Variants in ASB3 observed in about 807,000 individuals in gnomAD.
The protein encoded by ASB3 is ankyrin repeat and SOCS box containing 3, also known as ankyrin repeat and SOCS box protein 3.
In ASB3, 41 loss-of-function variants were observed where a neutral mutation model predicts 54.5. That is an observed-to-expected ratio of 0.75 (90% CI 0.59 to 0.98). The LOEUF (loss-of-function observed/expected upper bound fraction) is 0.98. Ranked by LOEUF, ASB3 falls within the 50% of genes least tolerant of loss-of-function variation. The probability of loss-of-function intolerance (pLI) is 0.00; values close to 1 mark genes in which losing one functional copy is unlikely to be tolerated. For synonymous variants in ASB3, 266 were observed against 221.2 expected, an observed-to-expected ratio of 1.20 and a Z score of -1.80; for missense variants, 733 against 620.0, an observed-to-expected ratio of 1.18 and a Z score of -1.94.
chr2:53,774,297 T>C, intron 1 of ASB3: 1 of 1,614,118 alleles, frequency 6.2e-7, no homozygotes, highest in Non-Finnish European at 8.5e-7. Context: ...TATTGCTATA[T>C]ATTGGAACAT....
intron 1 of ASB3, chr2:53,771,838 T>C (rs1673934581): frequency 1.2e-6 from 1 of 814,360 alleles, no homozygotes; most frequent in South Asian, 1.5e-5. Flanking sequence ...GTCAAAAATG[T>C]TGCTAATGCT....
intron 7 of ASB3, among the ~76,000 whole-genome samples, chr2:53,711,129 C>G (rs181808547): frequency 1.3e-5 from 2 of 152,202 alleles, no homozygotes; most frequent in Admixed American, 1.3e-4. Context: ...GATCCTGTCT[C>G]AAAAACAAAA....
At position 53,670,345 on chromosome 2, in the gene ASB3, A is replaced by T; in HGVS notation, c.*158T>A. 1 of 545,946 alleles carries T rather than the reference A, an allele frequency of 1.8e-6. No homozygotes were observed. Among genetic ancestry groups the T allele is most frequent in the Non-Finnish European group, 2.8e-6 (1 of 353,834 alleles). 33.8% of individuals were successfully genotyped at this position (545,946 alleles called of 1,614,324 possible). A position where few individuals can be genotyped will look rare whatever the true frequency, so the allele number is the denominator to read the frequency against. On this transcript the variant is annotated 3_prime_UTR_variant, in exon 10 of 10. Transcript: ENST00000263634. ...CTGGGAAGGCTAGTTGTAAACATAA[A>T]CATTCTCACTGAACTACTGGCCCCC...
chr2:53,765,922 G>A (rs1673423511), intron 1 of ASB3, among the ~76,000 whole-genome samples: 1 of 103,246 alleles, frequency 9.7e-6, no homozygotes, highest in African/African-American at 2.8e-5. Context: ...CCATTGATAA[G>A]AGCACCCTCT....
intron 6 of ASB3, 25 bp from the exon 7 acceptor site, chr2:53,714,606 A>C: frequency 6.2e-7 from 1 of 1,611,266 alleles, no homozygotes; most frequent in Non-Finnish European, 8.5e-7. Context: ...ATTCAGGAGA[A>C]TTTAGTGTTT....
intron 2 of ASB3, among the ~76,000 whole-genome samples, chr2:53,760,809 C>A (rs1200658076): frequency 1.3e-5 from 2 of 152,130 alleles, no homozygotes; most frequent in African/African-American, 4.8e-5. Context: ...CATTTCAATC[C>A]CTGTATCTTT....
chr2:53,705,522 T>G (rs1669722629), intron 7 of ASB3, among the ~76,000 whole-genome samples: 1 of 152,218 alleles, frequency 6.6e-6, no homozygotes, highest in Non-Finnish European at 1.5e-5. Flanking sequence ...CTTACATTTG[T>G]TTTATAGCAT....
chr2:53,716,798 A>G (rs1176459500), intron 5 of ASB3, 55 bp from the exon 6 acceptor site: 1 of 1,513,232 alleles, frequency 6.6e-7, no homozygotes, highest in African/African-American at 1.4e-5. Context: ...AAAAAAATCA[A>G]CACAAATTTC....
Position 53,728,720 on chromosome 2 carries a change from A to G in ASB3, c.596T>C (p.Ile199Thr), listed in dbSNP as rs755594420. ...YGKLESLSIL[I>T]SSGANVNCQA... is the part of the protein sequence containing the mutation. ...CTAATGGATAATCTTACCCGATGAA[A>G]TAAGTATGCTCAAGCTTTCTAGCTT... The change falls in exon 5 of 10, where the codon ATT (isoleucine) becomes ACT (threonine). Residue 199 changes from isoleucine to threonine, a missense_variant. By Grantham distance (89) the Ile-to-Thr change is moderately conservative. Transcript: ENST00000263634. 9 of 1,604,384 alleles carry G rather than the reference A, an allele frequency of 5.6e-6. No homozygotes were observed. The South Asian group carries it at 6.7e-5, about 12-fold the overall frequency.
intron 7 of ASB3, 82 bp from the exon 8 acceptor site, chr2:53,700,610 T>A: frequency 4.7e-6 from 7 of 1,497,422 alleles, no homozygotes; most frequent in Non-Finnish European, 6.2e-6. Flanking sequence ...TAATAGTAGT[T>A]ACAGCTGGGG....
intron 3 of ASB3, among the ~76,000 whole-genome samples, chr2:53,730,621 A>G (rs1671252572): frequency 6.6e-6 from 1 of 152,148 alleles, no homozygotes; most frequent in Non-Finnish European, 1.5e-5. Context: ...GAATCACCAT[A>G]CCGCTTTCCA....
intron 3 of ASB3, among the ~76,000 whole-genome samples, chr2:53,738,614 AT>A (rs1364723444): frequency 6.6e-6 from 1 of 152,196 alleles, no homozygotes; most frequent in African/African-American, 2.4e-5. Context: ...TTGAATTGAA[AT>A]TTAACCTAGA....
chr2:53,701,572 C>G (rs1281694156), intron 7 of ASB3, among the ~76,000 whole-genome samples: 1 of 152,126 alleles, frequency 6.6e-6, no homozygotes, highest in Non-Finnish European at 1.5e-5. Context: ...GTAGGTTACA[C>G]AGAACTTTAG....
intron 3 of ASB3, among the ~76,000 whole-genome samples, chr2:53,743,481 T>C (rs1033468054): frequency 1.3e-5 from 2 of 152,172 alleles, no homozygotes; most frequent in Admixed American, 1.3e-4. Context: ...TAAAGTTAAA[T>C]GATGCATTTA....
intron 9 of ASB3, among the ~76,000 whole-genome samples, chr2:53,676,223 T>C (rs1668073596): frequency 4.6e-5 from 7 of 152,224 alleles, no homozygotes; most frequent in Admixed American, 4.6e-4. Context: ...ATTTTAAAGG[T>C]CATGCTTTAG....
chr2:53,776,569 GTGCTGTGATGGGA>G (rs1426949060), intron 1 of ASB3, among the ~76,000 whole-genome samples: 1 of 152,142 alleles, frequency 6.6e-6, no homozygotes, highest in African/African-American at 2.4e-5. Context: ...GTACTCTGGA[GTGCTGTGATGGGA>G]TGCTGTGAAG....
intron 5 of ASB3, among the ~76,000 whole-genome samples, chr2:53,719,053 T>C (rs1299993901): frequency 1.3e-5 from 2 of 152,144 alleles, no homozygotes; most frequent in Admixed American, 1.3e-4. Flanking sequence ...CCCGAGTAGC[T>C]GGGACTACAG....
chr2:53,759,663 C>T (rs538159642), intron 2 of ASB3, among the ~76,000 whole-genome samples: 81 of 152,250 alleles, frequency 5.3e-4, no homozygotes, highest in Admixed American at 4.6e-3. Flanking sequence ...CTGGGCAAAT[C>T]GAATGCCTAA....
intron 5 of ASB3, among the ~76,000 whole-genome samples, chr2:53,726,084 T>C (rs192196693): frequency 6.6e-6 from 1 of 152,182 alleles, no homozygotes; most frequent in East Asian, 1.9e-4. Context: ...ACATGTATAG[T>C]TACATGATAA....
Sources: gnomAD v4.1 joint callset for allele counts (sites outside exome capture counted in the v4.1 genomes callset) on GRCh38, gnomAD v4.1.1 for gene constraint, MANE v1.5 for transcripts, NCBI Gene and HGNC (gene_info 2026-07-23, HGNC 2026-07-21) for gene names.